The following FBXL17 variants were observed in gnomAD, a reference collection of about 807,000 sequenced individuals.
FBXL17 encodes the protein F-box/LRR-repeat protein 17.
In FBXL17, 22 loss-of-function variants were observed where a neutral mutation model predicts 66.2. The observed-to-expected ratio is 0.33, with a 90% CI of 0.24 to 0.47. FBXL17 has a LOEUF of 0.47. Among genes scored for constraint, FBXL17 ranks in the 20% least tolerant of loss-of-function variants. The pLI, the probability that FBXL17 is intolerant of heterozygous loss-of-function variation, is 1.00. For synonymous variants in FBXL17, 474 were observed against 400.5 expected, an observed-to-expected ratio of 1.18 and a Z score of -2.19; for missense variants, 878 against 948.2, an observed-to-expected ratio of 0.93 and a Z score of 0.97.
intron 7 of FBXL17, among the ~76,000 whole-genome samples, chr5:108,007,809 G>A (rs1278163882): frequency 6.6e-6 from 1 of 152,150 alleles, no homozygotes. Context: ...TAGAAAGGCT[G>A]TACCTTTCCA....
chr5:107,925,305 T>C (rs1300364630), intron 7 of FBXL17, among the ~76,000 whole-genome samples: 2 of 152,258 alleles, frequency 1.3e-5, no homozygotes, highest in African/African-American at 4.8e-5. Context: ...TGCACAGTTA[T>C]ACTTCTCTTA....
chr5:108,102,758 C>T (rs191781823), intron 6 of FBXL17, among the ~76,000 whole-genome samples: 10 of 152,284 alleles, frequency 6.6e-5, no homozygotes, highest in African/African-American at 1.4e-4. Flanking sequence ...TCTGCAAACA[C>T]ACACTCAGAA....
At chr5:107,878,725 G>A (rs1748689960) in intron 8 of FBXL17, 1 of 985,456 alleles carries the variant, frequency 1.0e-6, no homozygotes, top group Non-Finnish European at 1.2e-6. Flanking sequence ...CCAACAAGCA[G>A]GCTTTTCTGT....
chr5:108,281,169 A>T (rs1757688084), intron 4 of FBXL17, among the ~76,000 whole-genome samples: 1 of 151,928 alleles, frequency 6.6e-6, no homozygotes, highest in South Asian at 2.1e-4. Flanking sequence ...GACCAAATGG[A>T]CCTAACAGAA....
In FBXL17 at chr5:108,282,787, A is replaced by G. The variant is rs540848122; in HGVS notation, c.1507-58559T>C. Among the ~76,000 whole-genome samples, 8 of 151,724 alleles carry G rather than the reference A, an allele frequency of 5.3e-5. No individual in the cohort carries two copies. In the South Asian group the frequency reaches 1.7e-3, roughly 31 times the overall value. On this transcript the variant is annotated intron_variant, in intron 4 of 8. Transcript: ENST00000542267. The stretch of plus-strand genomic sequence containing the variant: ...AAAGACTCTATTAAAAAAAACTCTT[A>G]CATAACTAAATTAACTGAAGTTGCA...
intron 6 of FBXL17, among the ~76,000 whole-genome samples, chr5:108,143,577 C>T (rs908988340): frequency 6.6e-6 from 1 of 152,000 alleles, no homozygotes; most frequent in African/African-American, 2.4e-5. Context: ...AATTCCCCCA[C>T]CTTCTTTTAT....
chr5:108,000,905 T>C (rs1753696518), intron 7 of FBXL17, among the ~76,000 whole-genome samples: 1 of 152,214 alleles, frequency 6.6e-6, no homozygotes, highest in Admixed American at 6.5e-5. Context: ...TTTAATGCAT[T>C]TGGCTAGTGA....
intron 7 of FBXL17, among the ~76,000 whole-genome samples, chr5:107,979,095 C>T (rs1752704050): frequency 6.6e-6 from 1 of 152,292 alleles, no homozygotes; most frequent in South Asian, 2.1e-4. Flanking sequence ...GAAACGGTTA[C>T]TCCAGTTCCT....
chr5:108,122,158 A>T (rs1750529603), intron 6 of FBXL17, among the ~76,000 whole-genome samples: 2 of 152,114 alleles, frequency 1.3e-5, no homozygotes, highest in African/African-American at 4.8e-5. Flanking sequence ...ATTAAAATAC[A>T]TAGTTTTTAT....
At chr5:107,956,117 CT>C (rs1331852443) in intron 7 of FBXL17, among the ~76,000 whole-genome samples, 1 of 152,072 alleles carries the variant, frequency 6.6e-6, no homozygotes, top group East Asian at 1.9e-4. Context: ...AAGTCAATTT[CT>C]TTTTCCTTCA....
At chr5:107,941,811 TCCC>T (rs1751111953) in intron 7 of FBXL17, among the ~76,000 whole-genome samples, 1 of 152,154 alleles carries the variant, frequency 6.6e-6, no homozygotes, top group African/African-American at 2.4e-5. Context: ...ATCTTATGCA[TCCC>T]CCTTCCTCCA....
chr5:108,009,294 T>TAGATAGATAGATAGATAGATAGAGAG, intron 7 of FBXL17, among the ~76,000 whole-genome samples: 1 of 68,496 alleles, frequency 1.5e-5, no homozygotes. Context: ...TATATATATA[T>TAGATAGATAGATAGATAGATAGAGAG]ATATATACAT....
intron 6 of FBXL17, among the ~76,000 whole-genome samples, chr5:108,025,269 G>A (rs925451296): frequency 9.9e-5 from 15 of 152,156 alleles, no homozygotes; most frequent in African/African-American, 3.6e-4. Context: ...CCTCAGAGGT[G>A]TGAAAAGAAA....
chr5:108,053,129 T>C lies in FBXL17; in HGVS notation c.1746-32128A>G, dbSNP rs112814656. ...AACCTAGGTGATACCATTCAGGACA[T>C]AGGCAGTGGCAAAGACTTCAGGACA... On this transcript the variant is annotated intron_variant, in intron 6 of 8. Coordinates refer to ENST00000542267, the MANE Select transcript of FBXL17 (RefSeq NM_001163315.3). Among the ~76,000 whole-genome samples the C allele has an allele frequency of 2.0e-4, 31 of 152,296 alleles. 2 individuals are homozygous for C. The highest frequency in any genetic ancestry group is 4.1e-4 in the African/African-American group (17 of 41,562).
intron 6 of FBXL17, among the ~76,000 whole-genome samples, chr5:108,085,357 A>G (rs988944138): frequency 1.3e-5 from 2 of 152,194 alleles, no homozygotes; most frequent in Non-Finnish European, 2.9e-5. Flanking sequence ...CCAAAAATCC[A>G]TTTCACATTG....
intron 4 of FBXL17, among the ~76,000 whole-genome samples, chr5:108,243,836 G>A (rs924841811): frequency 6.6e-6 from 1 of 152,090 alleles, no homozygotes; most frequent in Non-Finnish European, 1.5e-5. Context: ...ACCAGAAATA[G>A]TATATACAAT....
intron 4 of FBXL17, among the ~76,000 whole-genome samples, chr5:108,316,351 A>G (rs541852775): frequency 6.6e-6 from 1 of 151,596 alleles, no homozygotes; most frequent in South Asian, 2.1e-4. Context: ...TTTAAATTCT[A>G]AGTTCTTATG....
At chr5:108,158,914 C>A (rs890988621) in intron 6 of FBXL17, among the ~76,000 whole-genome samples, 2 of 151,988 alleles carry the variant, frequency 1.3e-5, no homozygotes, top group Non-Finnish European at 2.9e-5. Flanking sequence ...TTTACATTTT[C>A]TCTGTGGTGT....
chr5:108,338,753 CAAA>C (rs869058671), intron 4 of FBXL17, among the ~76,000 whole-genome samples: 1 of 129,108 alleles, frequency 7.7e-6, no homozygotes, highest in African/African-American at 2.9e-5. Context: ...ACAACAACAA[CAAA>C]AAGAATCCAC....
Sources: gnomAD v4.1 joint callset for allele counts (sites outside exome capture counted in the v4.1 genomes callset) on GRCh38, gnomAD v4.1.1 for gene constraint, MANE v1.5 for transcripts, NCBI Gene and HGNC (gene_info 2026-07-23, HGNC 2026-07-21) for gene names.